The following MCU variants were observed in gnomAD, a reference collection of about 807,000 sequenced individuals.
MCU encodes the protein calcium uniporter protein, mitochondrial.
MCU carries 12 observed loss-of-function variants against 45.2 expected under a neutral mutation model. The observed-to-expected ratio is 0.27, with a 90% confidence interval of 0.17 to 0.43. MCU has a LOEUF of 0.43. Ranked by LOEUF, MCU falls within the 20% of genes least tolerant of loss-of-function variation. The probability of loss-of-function intolerance (pLI) is 1.00; values close to 1 mark genes in which losing one functional copy is unlikely to be tolerated. For synonymous variants in MCU, 160 were observed against 165.1 expected, an observed-to-expected ratio of 0.97 and a Z score of 0.24; for missense variants, 324 against 436.7, an observed-to-expected ratio of 0.74 and a Z score of 2.30.
chr10:72,723,744 AT>A (rs1473703038), intron 1 of MCU, among the ~76,000 whole-genome samples: 7 of 152,208 alleles, frequency 4.6e-5, no homozygotes, highest in Non-Finnish European at 8.8e-5. Context: ...TTTTCAAAAT[AT>A]ATATATTTTT....
chr10:72,754,073 G>A (rs1823178367), intron 1 of MCU, among the ~76,000 whole-genome samples: 1 of 152,148 alleles, frequency 6.6e-6, no homozygotes, highest in African/African-American at 2.4e-5. Context: ...AGCTATGAGA[G>A]ACTTCTGTTT....
intron 1 of MCU, among the ~76,000 whole-genome samples, chr10:72,731,342 G>A (rs1843170790): frequency 6.6e-6 from 1 of 152,212 alleles, no homozygotes; most frequent in South Asian, 2.1e-4. Context: ...TTTTATTGTA[G>A]ATATTCTTGT....
intron 1 of MCU, among the ~76,000 whole-genome samples, chr10:72,808,201 C>G (rs761088846): frequency 1.3e-5 from 2 of 152,192 alleles, no homozygotes; most frequent in Non-Finnish European, 1.5e-5. Context: ...CTTTGAAACT[C>G]AGCCAGTTTC....
At chr10:72,875,427 A>G (rs958991197) in intron 6 of MCU, among the ~76,000 whole-genome samples, 3 of 152,198 alleles carry the variant, frequency 2.0e-5, no homozygotes, top group African/African-American at 4.8e-5. Context: ...CCATTCTGTG[A>G]TTACCAAAAT....
intron 1 of MCU, among the ~76,000 whole-genome samples, chr10:72,724,033 A>G (rs1036936517): frequency 2.0e-5 from 3 of 152,234 alleles, no homozygotes; most frequent in Non-Finnish European, 4.4e-5. Context: ...TTGCTCATCA[A>G]GAATATTAAG....
At chr10:72,847,590 A>G (rs1034008215) in intron 2 of MCU, among the ~76,000 whole-genome samples, 2 of 152,192 alleles carry the variant, frequency 1.3e-5, no homozygotes, top group Non-Finnish European at 2.9e-5. Context: ...CATATCCTCC[A>G]TGTATAGGAG....
intron 6 of MCU, among the ~76,000 whole-genome samples, chr10:72,881,080 T>C (rs990490093): frequency 3.3e-5 from 5 of 152,092 alleles, no homozygotes; most frequent in Non-Finnish European, 7.4e-5. Flanking sequence ...CATTGAGCTA[T>C]GGTCACACCA....
chr10:72,735,073 CAA>C (rs746175227), intron 1 of MCU, among the ~76,000 whole-genome samples: 5 of 98,438 alleles, frequency 5.1e-5, no homozygotes. Flanking sequence ...GAGATTGTCT[CAA>C]AAAAAAAAAA....
chr10:72,803,652 C>A lies in MCU; in HGVS notation c.151-30707C>A, dbSNP rs545027407. On this transcript the variant is annotated intron_variant, in intron 1 of 7. Transcript: ENST00000373053. ...AAGTTGGAGTAATGGTTTAATGAAT[C>A]CCATGTACCCAGTACCTAACTTCAT... is the stretch of plus-strand genomic sequence containing the variant. 2.0e-5 allele frequency among the ~76,000 whole-genome samples: 3 copies of A among 151,810 alleles called. No homozygotes were observed. The South Asian group carries it at 6.3e-4, about 32-fold the overall frequency.
Position 72,871,232 on chromosome 10 carries a change from C to G in MCU, c.658-145C>G. 3 of 745,352 alleles carry G rather than the reference C, an allele frequency of 4.0e-6. No individual in the cohort carries two copies. The South Asian group carries it at 5.0e-5, about 12-fold the overall frequency. 46.2% of individuals were successfully genotyped at this position (745,352 alleles called of 1,614,324 possible). On this transcript the variant is annotated intron_variant, in intron 5 of 7. Transcript: ENST00000373053. ...TTTTATTCAGTGAAAACTGCAGATA[C>G]TATTTAGGAAGACAAGCTATATTTA...
chr10:72,867,580 G>A (rs1322496443), intron 4 of MCU, among the ~76,000 whole-genome samples: 1 of 152,116 alleles, frequency 6.6e-6, no homozygotes, highest in Non-Finnish European at 1.5e-5. Context: ...TGGGCCGGGT[G>A]CGGTGGCTCA....
At chr10:72,721,511 C>G (rs1218722287) in intron 1 of MCU, among the ~76,000 whole-genome samples, 1 of 152,210 alleles carries the variant, frequency 6.6e-6, no homozygotes, top group Non-Finnish European at 1.5e-5. Flanking sequence ...TTTTGTGATA[C>G]TGACCTCCTT....
At chr10:72,780,376 G>A (rs555682152) in intron 1 of MCU, among the ~76,000 whole-genome samples, 46 of 152,096 alleles carry the variant, frequency 3.0e-4, no homozygotes, top group Non-Finnish European at 5.6e-4. Context: ...CCACTTAATT[G>A]TACATTTTAA....
chr10:72,733,023 G>C (rs1013041696), intron 1 of MCU, among the ~76,000 whole-genome samples: 1 of 152,218 alleles, frequency 6.6e-6, no homozygotes, highest in Non-Finnish European at 1.5e-5. Flanking sequence ...GAAATGTAGA[G>C]AGGGTTGGAA....
intron 6 of MCU, among the ~76,000 whole-genome samples, chr10:72,873,400 T>G (rs926592065): frequency 2.0e-5 from 3 of 152,200 alleles, no homozygotes; most frequent in African/African-American, 7.2e-5. Context: ...TTTGTATGTC[T>G]TCTTTTGAGA....
chr10:72,758,543 T>C (rs895172444), intron 1 of MCU, among the ~76,000 whole-genome samples: 1 of 152,202 alleles, frequency 6.6e-6, no homozygotes, highest in Non-Finnish European at 1.5e-5. Flanking sequence ...AAATAGTTAC[T>C]AAGGCAGTCT....
At chr10:72,735,951 T>C (rs1258431502) in intron 1 of MCU, among the ~76,000 whole-genome samples, 1 of 152,240 alleles carries the variant, frequency 6.6e-6, no homozygotes, top group Non-Finnish European at 1.5e-5. Context: ...CCATGTTATG[T>C]ACTTCTGTAT....
chr10:72,879,171 G>A (rs1845662930), intron 6 of MCU, among the ~76,000 whole-genome samples: 1 of 152,202 alleles, frequency 6.6e-6, no homozygotes, highest in African/African-American at 2.4e-5. Context: ...GCTGAGGCAT[G>A]AGGATCGCTT....
chr10:72,706,414 C>T (rs1414921720), intron 1 of MCU, among the ~76,000 whole-genome samples: 1 of 152,024 alleles, frequency 6.6e-6, no homozygotes, highest in African/African-American at 2.4e-5. Flanking sequence ...TTTTTATTGA[C>T]TAGGTATCTT....
Sources: gnomAD v4.1 joint callset for allele counts (sites outside exome capture counted in the v4.1 genomes callset) on GRCh38, gnomAD v4.1.1 for gene constraint, MANE v1.5 for transcripts, NCBI Gene and HGNC (gene_info 2026-07-23, HGNC 2026-07-21) for gene names.